RAB3IP: variants seen among roughly 807,000 people sequenced by gnomAD.
The protein encoded by RAB3IP is rab-3A-interacting protein.
Under a neutral mutation model 59.1 loss-of-function variants are expected in RAB3IP, and 36 were observed. The ratio of observed to expected loss-of-function variants is 0.61; its 90% CI spans 0.47 to 0.80. RAB3IP has a LOEUF of 0.80. Among genes scored for constraint, RAB3IP ranks in the 30% least tolerant of loss-of-function variants. The pLI is 0.00. For synonymous variants in RAB3IP, 207 were observed against 191.2 expected (o/e 1.08, Z -0.68); for missense variants, 511 against 536.0 (o/e 0.95, Z 0.46).
chr12:69,754,008 A>ACT (rs1869763125), intron 1 of RAB3IP, among the ~76,000 whole-genome samples: 1 of 152,000 alleles, frequency 6.6e-6, no homozygotes, highest in Non-Finnish European at 1.5e-5. Context: ...TTGAGGCCAT[A>ACT]CTCTATGTCA....
intron 3 of RAB3IP, among the ~76,000 whole-genome samples, chr12:69,767,398 G>T (rs1194211339): frequency 2.9e-4 from 44 of 152,338 alleles, no homozygotes; most frequent in Admixed American, 2.5e-3. Flanking sequence ...TCAGGCAGTG[G>T]TCTGAGCTCC....
chr12:69,809,037 C>T (rs1046825080), intron 8 of RAB3IP, among the ~76,000 whole-genome samples: 28 of 150,318 alleles, frequency 1.9e-4, no homozygotes, highest in African/African-American at 6.7e-4. Flanking sequence ...GTGGCTGGTA[C>T]CGGTTGTTCC....
intron 1 of RAB3IP, among the ~76,000 whole-genome samples, chr12:69,741,024 G>C (rs566459848): frequency 1.3e-5 from 2 of 152,316 alleles, no homozygotes; most frequent in African/African-American, 4.8e-5. Flanking sequence ...CCATTTGTCA[G>C]TGGAAATACT....
intron 8 of RAB3IP, among the ~76,000 whole-genome samples, chr12:69,802,815 T>A (rs764295406): frequency 2.0e-5 from 3 of 152,222 alleles, no homozygotes; most frequent in African/African-American, 7.2e-5. Context: ...TGTTGTTGTT[T>A]AGGTGACCAT....
chr12:69,746,495 C>T (rs575416005), intron 1 of RAB3IP, among the ~76,000 whole-genome samples: 2 of 152,274 alleles, frequency 1.3e-5, no homozygotes, highest in South Asian at 4.1e-4. Context: ...CTTCCCTCCC[C>T]ACAACCCTCA....
At chr12:69,784,960 A>G (rs938580438) in intron 4 of RAB3IP, 145 bp downstream of exon 4, 8 of 423,196 alleles carry the variant, frequency 1.9e-5, no homozygotes, top group African/African-American at 1.0e-4. Flanking sequence ...TCTTTAAGCA[A>G]TGTAGAGTTT....
In RAB3IP at chr12:69,797,477, CTTTTTTTT is replaced by C; in HGVS notation, c.888+2149_888+2156del. 4.4e-3 allele frequency among the ~76,000 whole-genome samples: 244 copies of C among 54,954 alleles called. 2 individuals carry two copies. The highest frequency in any genetic ancestry group is 0.021 in the African/African-American group (235 of 11,226). The allele number at this position is 54,954 out of a possible 152,430, so 36.1% of individuals were successfully genotyped here. ...GGTTTATGTCCTTTTTCTTTTCTTT[CTTTTTTTT>C]TTTTTTTTTTTTTTTAATAAATTTG... On this transcript the variant is annotated intron_variant, in intron 6 of 10. Transcript: ENST00000247833.
At chr12:69,748,776 T>G (rs1383880700) in intron 1 of RAB3IP, among the ~76,000 whole-genome samples, 1 of 152,230 alleles carries the variant, frequency 6.6e-6, no homozygotes, top group Non-Finnish European at 1.5e-5. Context: ...ATACTACTGC[T>G]TAAAAATAGT....
intron 1 of RAB3IP, among the ~76,000 whole-genome samples, chr12:69,753,522 T>C (rs1226902751): frequency 6.6e-6 from 1 of 152,126 alleles, no homozygotes; most frequent in African/African-American, 2.4e-5. Context: ...CTAATTTTTG[T>C]ATTTTTAGTA....
intron 1 of RAB3IP, 22 bp from the exon 2 acceptor site, chr12:69,755,362 T>C (rs753666516): frequency 1.3e-6 from 2 of 1,580,196 alleles, no homozygotes; most frequent in Admixed American, 1.8e-5. Context: ...AAAATAAGTA[T>C]CTGCTTTTTG....
chr12:69,759,561 C>T (rs1265509181), intron 3 of RAB3IP, among the ~76,000 whole-genome samples: 134 of 151,084 alleles, frequency 8.9e-4, no homozygotes, highest in African/African-American at 2.4e-3. Flanking sequence ...AAGGGGCGGC[C>T]GGGCAGAGGC....
In RAB3IP at chr12:69,809,573, A is replaced by G. The variant is rs1040676006; in HGVS notation, c.1131-3205A>G. Among the ~76,000 whole-genome samples, 4 of 152,294 alleles carry G rather than the reference A, an allele frequency of 2.6e-5. No individual in the cohort carries two copies. The South Asian group carries it at 6.2e-4, about 24-fold the overall frequency. Reference sequence around the variant, plus strand: ...AAATTTGGTCTTTTCACATAGTCCCATATTTCTTGCAGGCTTTGTTCATTT... The same window carrying G: ...AAATTTGGTCTTTTCACATAGTCCCGTATTTCTTGCAGGCTTTGTTCATTT... On this transcript the variant is annotated intron_variant, in intron 8 of 10. Transcript: ENST00000247833.
chr12:69,760,668 G>A (rs1871167151), intron 3 of RAB3IP, among the ~76,000 whole-genome samples: 1 of 152,002 alleles, frequency 6.6e-6, no homozygotes, highest in Non-Finnish European at 1.5e-5. Flanking sequence ...TATTTTCACT[G>A]AGTAAAGAAT....
chr12:69,805,444 T>A (rs1036136959), intron 8 of RAB3IP, among the ~76,000 whole-genome samples: 12 of 152,142 alleles, frequency 7.9e-5, no homozygotes, highest in Admixed American at 1.3e-4. Flanking sequence ...ATCTGCAAAT[T>A]GGGACAATTT....
In RAB3IP at chr12:69,815,435, G is replaced by C. The variant is rs1249879226; in HGVS notation, c.1372G>C (p.Glu458Gln). Residue 458 changes from glutamate (E) to glutamine (Q), a missense_variant, in exon 11 of 11, where the codon GAG (glutamate) becomes CAG (glutamine). Transcript: ENST00000247833. ...MSLAKLGYFK[E>Q]EL ...ATTGGCAAAGCTGGGTTATTTCAAA[G>C]AGGAACTCTGATGCTCTGCGTGGGA... 6.2e-7 allele frequency: 1 copy of C among 1,610,630 alleles called. No homozygotes were observed. The highest frequency in any genetic ancestry group is 2.2e-5 in the East Asian group (1 of 44,834).
rs71437123 is a variant in RAB3IP at position 69,773,399 on chromosome 12, C to CTTTTTTTTTT, written c.511-11306_511-11297dup. ...ATACGCCTTCTACCCATTTGTCTTT[C>CTTTTTTTTTT]TTTTTTTTTTTTTTTTTTTTTTTTA... On this transcript the variant is annotated intron_variant, in intron 3 of 10. Transcript: ENST00000247833. Among the ~76,000 whole-genome samples the CTTTTTTTTTT allele has an allele frequency of 4.9e-3, 234 of 47,980 alleles. 3 individuals are homozygous for CTTTTTTTTTT. Among genetic ancestry groups the CTTTTTTTTTT allele is most frequent in the Middle Eastern group, 0.026 (1 of 38 alleles). The allele number at this position is 47,980 out of a possible 152,430, so 31.5% of individuals were successfully genotyped here.
At chr12:69,803,206 GTTTAGA>G (rs1878666795) in intron 8 of RAB3IP, among the ~76,000 whole-genome samples, 1 of 152,102 alleles carries the variant, frequency 6.6e-6, no homozygotes, top group South Asian at 2.1e-4. Context: ...AATAATTATA[GTTTAGA>G]TTTAGAGAAC....
chr12:69,814,523 G>T (rs961408709), intron 10 of RAB3IP, among the ~76,000 whole-genome samples: 1 of 152,044 alleles, frequency 6.6e-6, no homozygotes, highest in South Asian at 2.1e-4. Context: ...TCTTTGTTGT[G>T]GGGGACGGTC....
At position 69,773,399 on chromosome 12, in the gene RAB3IP, C is replaced by CTTTTTTTTT. The variant is rs71437123; in HGVS notation, c.511-11305_511-11297dup. ...ATACGCCTTCTACCCATTTGTCTTTCTTTTTTTTTTTTTTTTTTTTTTTTA... is the reference window on the plus strand; with the variant it reads ...ATACGCCTTCTACCCATTTGTCTTTCTTTTTTTTTTTTTTTTTTTTTTTTTTTTTTTTTA... On this transcript the variant is annotated intron_variant, in intron 3 of 10. Coordinates refer to ENST00000247833, the MANE Select transcript of RAB3IP (RefSeq NM_022456.5). Among the ~76,000 whole-genome samples the CTTTTTTTTT allele has an allele frequency of 2.0e-3, 95 of 47,996 alleles. 2 individuals are homozygous for CTTTTTTTTT. The highest frequency in any genetic ancestry group is 3.8e-3 in the East Asian group (6 of 1,586). 31.5% of individuals were successfully genotyped at this position (47,996 alleles called of 152,430 possible). A position where few individuals can be genotyped will look rare whatever the true frequency, so the allele number is the denominator to read the frequency against.
Sources: gnomAD v4.1 joint callset for allele counts (sites outside exome capture counted in the v4.1 genomes callset) on GRCh38, gnomAD v4.1.1 for gene constraint, MANE v1.5 for transcripts, NCBI Gene and HGNC (gene_info 2026-07-23, HGNC 2026-07-21) for gene names.